The following LRIG1 variants were observed in gnomAD, a reference collection of about 807,000 sequenced individuals.
LRIG1 encodes leucine rich repeats and immunoglobulin like domains 1, also known as leucine-rich repeats and immunoglobulin-like domains protein 1.
In LRIG1, 48 loss-of-function variants were observed where a neutral mutation model predicts 99.2. That is an observed-to-expected ratio of 0.48 (90% CI 0.38 to 0.62). The LOEUF (loss-of-function observed/expected upper bound fraction) is 0.62, where lower values mean the gene tolerates loss of function less well. Among genes scored for constraint, LRIG1 ranks in the 20% least tolerant of loss-of-function variants. LRIG1 has a pLI of 0.00. For synonymous variants in LRIG1, 772 were observed against 596.1 expected (o/e 1.29, Z -4.30); for missense variants, 1,646 against 1,434.4 (o/e 1.15, Z -2.38).
At chr3:66,440,887 C>T (rs1465887028) in intron 3 of LRIG1, among the ~76,000 whole-genome samples, 1 of 152,140 alleles carries the variant, frequency 6.6e-6, no homozygotes, top group Non-Finnish European at 1.5e-5. Flanking sequence ...GGACTCAAAC[C>T]CAGATCTGAT....
chr3:66,461,888 A>T (rs1275439419), intron 2 of LRIG1, among the ~76,000 whole-genome samples: 1 of 152,164 alleles, frequency 6.6e-6, no homozygotes, highest in Non-Finnish European at 1.5e-5. Context: ...GGTGGAGAGG[A>T]ACAGGTAAGC....
Position 66,378,856 on chromosome 3 carries a change from A to G in LRIG1, c.*1407T>C, listed in dbSNP as rs1479477494. ...TCAATGCCATTTGTTAGACACTTCAATATTTTACATGGTTTTCAATGTACA... is the reference window on the plus strand; with the variant it reads ...TCAATGCCATTTGTTAGACACTTCAGTATTTTACATGGTTTTCAATGTACA... On this transcript the variant is annotated 3_prime_UTR_variant, in exon 19 of 19. Transcript: ENST00000273261. 3.9e-5 allele frequency: 6 copies of G among 152,636 alleles called. No individual in the cohort carries two copies. Among genetic ancestry groups the G allele is most frequent in the Non-Finnish European group, 1.5e-5 (1 of 68,040 alleles). The allele number at this position is 152,636 out of a possible 1,614,324, so 9.5% of individuals were successfully genotyped here.
intron 2 of LRIG1, among the ~76,000 whole-genome samples, chr3:66,452,933 T>C (rs1262525483): frequency 6.6e-6 from 1 of 152,228 alleles, no homozygotes; most frequent in African/African-American, 2.4e-5. Context: ...TTTTCTCCAC[T>C]TAAAGGGCCC....
At chr3:66,478,279 A>G (rs530596586) in intron 1 of LRIG1, among the ~76,000 whole-genome samples, 33 of 152,310 alleles carry the variant, frequency 2.2e-4, no homozygotes, top group African/African-American at 7.7e-4. Flanking sequence ...TAACCAGTTA[A>G]CCCCAATGGG....
At position 66,387,655 on chromosome 3, in the gene LRIG1, A is replaced by G. The variant is rs149541078; in HGVS notation, c.1469-1354T>C. On this transcript the variant is annotated intron_variant, in intron 12 of 18. Coordinates refer to ENST00000273261, the MANE Select transcript of LRIG1 (RefSeq NM_015541.3). Reference sequence around the variant, plus strand: ...TTTTAAATGCCCAATTTTCAACAAAATATTATGAAACACTCAAACAGGAAA... The same window carrying G: ...TTTTAAATGCCCAATTTTCAACAAAGTATTATGAAACACTCAAACAGGAAA... 6.6e-5 allele frequency: 10 copies of G among 152,284 alleles called. No individual in the cohort carries two copies. In the East Asian group the frequency reaches 1.9e-3, roughly 29 times the overall value. The allele number at this position is 152,284 out of a possible 1,614,324, so 9.4% of individuals were successfully genotyped here. A position where few individuals can be genotyped will look rare whatever the true frequency, so the allele number is the denominator to read the frequency against.
intron 1 of LRIG1, among the ~76,000 whole-genome samples, chr3:66,472,557 C>T (rs1700627609): frequency 6.6e-6 from 1 of 152,140 alleles, no homozygotes; most frequent in African/African-American, 2.4e-5. Flanking sequence ...ATGAACCCTG[C>T]TATCAAAGAG....
At chr3:66,482,343 C>CA (rs1700870476) in intron 1 of LRIG1, among the ~76,000 whole-genome samples, 1 of 152,220 alleles carries the variant, frequency 6.6e-6, no homozygotes, top group Non-Finnish European at 1.5e-5. Context: ...CCAAAGACCA[C>CA]AGTGGAGGAC....
chr3:66,475,646 T>C (rs552051377), intron 1 of LRIG1, among the ~76,000 whole-genome samples: 31 of 152,356 alleles, frequency 2.0e-4, no homozygotes, highest in African/African-American at 7.5e-4. Context: ...CCAGGATCAA[T>C]AAGCCAAAGT....
intron 12 of LRIG1, among the ~76,000 whole-genome samples, chr3:66,389,167 A>G (rs542538904): frequency 3.5e-4 from 53 of 152,352 alleles, no homozygotes; most frequent in South Asian, 2.3e-3. Flanking sequence ...TTTGAACTAG[A>G]TTGTTGTAAG....
At position 66,417,132 on chromosome 3, in the gene LRIG1, T is replaced by A. The variant is rs1702638690; in HGVS notation, c.500A>T (p.Glu167Val). 1 of 1,613,818 alleles carries A rather than the reference T, an allele frequency of 6.2e-7. No homozygotes were observed. The highest frequency in any genetic ancestry group is 1.1e-5 in the South Asian group (1 of 91,064). Residue 167 changes from glutamate to valine, a missense_variant, in exon 4 of 19, where the codon GAG (glutamate) becomes GTG (valine). Physicochemically the swap from Glu to Val is moderately radical, Grantham distance 121. Coordinates refer to ENST00000273261, the MANE Select transcript of LRIG1 (RefSeq NM_015541.3). Reference sequence around the variant, plus strand: ...GTGGCAGAACAGAGGCACTTACAGCTCCTTTATAGGCGGTCCGTGTGGAAA... The same window carrying A: ...GTGGCAGAACAGAGGCACTTACAGCACCTTTATAGGCGGTCCGTGTGGAAA... ...TCFPHGPPIK[E>V]LNLAGNRIGT...
rs1702972337 is a variant in LRIG1 at position 66,426,031 on chromosome 3, C to A, written c.366-8765G>T. 1.3e-5 allele frequency among the ~76,000 whole-genome samples: 2 copies of A among 152,234 alleles called. 1 individual carries two copies. The highest frequency in any genetic ancestry group is 4.2e-4 in the South Asian group (2 of 4,816). On this transcript the variant is annotated intron_variant, in intron 3 of 18. Transcript: ENST00000273261. ...GAAAGCCTGGTTTACAAGGTATTCC[C>A]GTTAGTGGTGGAAAAGATCTCATGT... is the stretch of plus-strand genomic sequence containing the variant.
chr3:66,481,061 C>G (rs146004484), intron 1 of LRIG1, among the ~76,000 whole-genome samples: 29 of 152,220 alleles, frequency 1.9e-4, no homozygotes, highest in Non-Finnish European at 3.4e-4. Flanking sequence ...TGATTGAAAA[C>G]AGATAGAAAT....
At chr3:66,469,487 C>T (rs912031735) in intron 1 of LRIG1, among the ~76,000 whole-genome samples, 1 of 152,156 alleles carries the variant, frequency 6.6e-6, no homozygotes, top group East Asian at 1.9e-4. Flanking sequence ...TCAGTGTGGG[C>T]CTCTGAAGTC....
intron 7 of LRIG1, 46 bp downstream of exon 7, chr3:66,410,083 G>A: frequency 6.4e-7 from 1 of 1,565,748 alleles, no homozygotes; most frequent in Non-Finnish European, 8.7e-7. Context: ...TCACCTCCAA[G>A]CAGTGTCTAA....
At chr3:66,452,532 A>T (rs906312205) in intron 2 of LRIG1, among the ~76,000 whole-genome samples, 1 of 152,236 alleles carries the variant, frequency 6.6e-6, no homozygotes, top group Admixed American at 6.5e-5. Flanking sequence ...GTGATGGGCT[A>T]GAAAGAAATT....
At position 66,380,931 on chromosome 3, in the gene LRIG1, G is replaced by A. The variant is rs1701019401; in HGVS notation, c.2771-70C>T. 6 of 1,515,958 alleles carry A rather than the reference G, an allele frequency of 4.0e-6. 1 individual carries two copies. In the South Asian group the frequency reaches 6.0e-5, roughly 15 times the overall value. 93.9% of individuals were successfully genotyped at this position (1,515,958 alleles called of 1,614,324 possible). A position where few individuals can be genotyped will look rare whatever the true frequency, so the allele number is the denominator to read the frequency against. On this transcript the variant is annotated intron_variant, in intron 17 of 18. Coordinates refer to ENST00000273261, the MANE Select transcript of LRIG1 (RefSeq NM_015541.3). ...GTCTTCGTCCCCACACAGAGGACAG[G>A]CTGCTCAGCTCCACTGTGCAAGGTG...
At chr3:66,447,117 T>C (rs1703757097) in intron 3 of LRIG1, among the ~76,000 whole-genome samples, 1 of 152,212 alleles carries the variant, frequency 6.6e-6, no homozygotes, top group Admixed American at 6.5e-5. Flanking sequence ...TATATATTTA[T>C]GGTGTACAAG....
chr3:66,389,169 TG>T (rs1443807919), intron 12 of LRIG1, among the ~76,000 whole-genome samples: 7 of 152,236 alleles, frequency 4.6e-5, no homozygotes, highest in African/African-American at 1.7e-4. Flanking sequence ...TGAACTAGAT[TG>T]TTGTAAGATG....
intron 3 of LRIG1, among the ~76,000 whole-genome samples, chr3:66,419,878 A>T (rs1014770207): frequency 1.3e-5 from 2 of 152,134 alleles, no homozygotes. Context: ...ATAATGATTC[A>T]AAATGTTCTA....
Sources: gnomAD v4.1 joint callset for allele counts (sites outside exome capture counted in the v4.1 genomes callset) on GRCh38, gnomAD v4.1.1 for gene constraint, MANE v1.5 for transcripts, NCBI Gene and HGNC (gene_info 2026-07-23, HGNC 2026-07-21) for gene names.